Variants in BDH1 observed in about 807,000 individuals in gnomAD.
BDH1 encodes the protein D-beta-hydroxybutyrate dehydrogenase, mitochondrial.
In BDH1, 30 loss-of-function variants were observed where a neutral mutation model predicts 33.1. The ratio of observed to expected loss-of-function variants is 0.91; its 90% CI spans 0.68 to 1.23. The LOEUF (loss-of-function observed/expected upper bound fraction) is 1.23, where lower values mean the gene tolerates loss of function less well. Ranked by LOEUF, BDH1 falls within the 50% of genes most tolerant of loss-of-function variation. The pLI, the probability that BDH1 is intolerant of heterozygous loss-of-function variation, is 0.00. For synonymous variants in BDH1, 190 were observed against 183.6 expected (o/e 1.03, Z -0.28); for missense variants, 443 against 464.4 (o/e 0.95, Z 0.42).
chr3:197,532,873 TA>T (rs759603206), intron 4 of BDH1, among the ~76,000 whole-genome samples: 48 of 152,210 alleles, frequency 3.2e-4, no homozygotes, highest in Non-Finnish European at 6.3e-4. Context: ...TTCCAGAGTC[TA>T]AACTCTTCTT....
Position 197,521,089 on chromosome 3 carries a change from C to T in BDH1, c.409+1551G>A, listed in dbSNP as rs1463974727. Among the ~76,000 whole-genome samples the T allele has an allele frequency of 6.6e-6, 1 of 152,194 alleles. No homozygotes were observed. Among genetic ancestry groups the T allele is most frequent in the African/African-American group, 2.4e-5 (1 of 41,454 alleles). On this transcript the variant is annotated intron_variant, in intron 6 of 7. Coordinates refer to ENST00000392379, the MANE Select transcript of BDH1 (RefSeq NM_203314.3). The surrounding 1 kb of genome is among the most constrained non-coding windows in gnomAD (Gnocchi z 4.9). ...CTCCCCGCATGGGATCTGGTCACTCCTGCCTTTTCCGCCTCCTTCCCCAGC... is the reference window on the plus strand; with the variant it reads ...CTCCCCGCATGGGATCTGGTCACTCTTGCCTTTTCCGCCTCCTTCCCCAGC...
intron 3 of BDH1, among the ~76,000 whole-genome samples, chr3:197,535,359 A>G (rs905222236): frequency 6.6e-6 from 1 of 152,202 alleles, no homozygotes; most frequent in Non-Finnish European, 1.5e-5. Flanking sequence ...CTCCTAGCCT[A>G]TGACGTGCCT....
chr3:197,566,483 G>C (rs1717436488), intron 1 of BDH1, among the ~76,000 whole-genome samples: 1 of 152,198 alleles, frequency 6.6e-6, no homozygotes, highest in Non-Finnish European at 1.5e-5. Context: ...CAAATCCATA[G>C]CTGGGCTCAG....
At chr3:197,558,703 C>T (rs987870653), upstream of BDH1, among the ~76,000 whole-genome samples, 1 of 152,236 alleles carries the variant, frequency 6.6e-6, no homozygotes, top group African/African-American at 2.4e-5. Context: ...CGCATGGGAG[C>T]TACTGACCTC....
chr3:197,571,127 C>T (rs1014728297), intron 1 of BDH1, among the ~76,000 whole-genome samples: 1 of 152,228 alleles, frequency 6.6e-6, no homozygotes. Context: ...TTCATGGAAC[C>T]TTTGGCCCCT....
chr3:197,560,653 T>C (rs1717227727), upstream of BDH1, among the ~76,000 whole-genome samples: 1 of 152,200 alleles, frequency 6.6e-6, no homozygotes, highest in African/African-American at 2.4e-5. Flanking sequence ...GAAATCAATG[T>C]TCAAGTGCTA....
intron 2 of BDH1, 59 bp from the exon 3 acceptor site, chr3:197,546,545 C>A (rs1716095322): frequency 8.6e-7 from 1 of 1,164,444 alleles, no homozygotes; most frequent in East Asian, 2.4e-5. Context: ...TAATCAGGAG[C>A]AGTCATGTTC....
At position 197,514,220 on chromosome 3, in the gene BDH1, T is replaced by TGGGGCAGGTTCA; in HGVS notation, c.562+32_562+43dup. 6.3e-7 allele frequency: 1 copy of TGGGGCAGGTTCA among 1,580,838 alleles called. No homozygotes were observed. Among genetic ancestry groups the TGGGGCAGGTTCA allele is most frequent in the Non-Finnish European group, 8.6e-7 (1 of 1,160,352 alleles). ...TCCATTCTGAGCAAAGATGAACACGTGGGGCAGGTTCAGGGGCAGGAGGGA... is the reference window on the plus strand; with the variant it reads ...TCCATTCTGAGCAAAGATGAACACGTGGGGCAGGTTCAGGGGCAGGTTCAGGGGCAGGAGGGA... On this transcript the variant is annotated intron_variant, in intron 7 of 7. Coordinates refer to ENST00000392379, the MANE Select transcript of BDH1 (RefSeq NM_203314.3). This position sits in a 1 kb window ranked among gnomAD's most constrained non-coding sequence, Gnocchi z 4.2.
chr3:197,514,590 C>T lies in BDH1; in HGVS notation c.410-174G>A, dbSNP rs145093918. 1.4e-4 allele frequency among the ~76,000 whole-genome samples: 21 copies of T among 152,258 alleles called. No homozygotes were observed. The East Asian group carries it at 4.1e-3, about 29-fold the overall frequency. ...CAGGAACGACAGGAGGTAAAGAGGC[C>T]TAAAGTGCTGACTGCAGCCCTCCCT... On this transcript the variant is annotated intron_variant, in intron 6 of 7. Coordinates refer to ENST00000392379, the MANE Select transcript of BDH1 (RefSeq NM_203314.3). The surrounding 1 kb of genome is among the most constrained non-coding windows in gnomAD (Gnocchi z 4.2).
intron 5 of BDH1, among the ~76,000 whole-genome samples, chr3:197,524,799 C>T (rs1328609741): frequency 1.3e-5 from 2 of 152,042 alleles, no homozygotes; most frequent in South Asian, 2.1e-4. Context: ...GAGACAATCC[C>T]GGCATTGGAC....
intron 1 of BDH1, among the ~76,000 whole-genome samples, chr3:197,571,229 G>A (rs911233952): frequency 4.6e-5 from 7 of 152,114 alleles, no homozygotes; most frequent in Admixed American, 3.3e-4. Flanking sequence ...CTTGCTTTTT[G>A]TTTTTTAGGC....
intron 3 of BDH1, 89 bp downstream of exon 3, chr3:197,546,272 C>T: frequency 3.9e-6 from 5 of 1,280,364 alleles, no homozygotes; most frequent in Non-Finnish European, 5.6e-6. Flanking sequence ...AGAATCAGGC[C>T]TCATCACCGC....
Position 197,514,829 on chromosome 3 carries a change from C to T in BDH1, c.410-413G>A, listed in dbSNP as rs1712515940. ...ATCTCTGCCCTTGAGCTTTTGCTCA[C>T]GTCTTCTCTTCTCTTGCCAGAAGCC... On this transcript the variant is annotated intron_variant, in intron 6 of 7. Coordinates refer to ENST00000392379, the MANE Select transcript of BDH1 (RefSeq NM_203314.3). This position sits in a 1 kb window ranked among gnomAD's most constrained non-coding sequence, Gnocchi z 4.2. Among the ~76,000 whole-genome samples the T allele has an allele frequency of 6.6e-6, 1 of 152,332 alleles. No individual in the cohort carries two copies. The highest frequency in any genetic ancestry group is 2.4e-5 in the African/African-American group (1 of 41,584).
chr3:197,564,098 T>TAAA (rs71164298), intron 1 of BDH1, among the ~76,000 whole-genome samples: 141 of 109,024 alleles, frequency 1.3e-3, no homozygotes, highest in Middle Eastern at 4.9e-3. Context: ...AGACTTCATC[T>TAAA]AAAAAAAAAA....
Position 197,526,150 on chromosome 3 carries a change from G to A in BDH1, c.268-3369C>T, listed in dbSNP as rs921025922. The stretch of plus-strand genomic sequence containing the variant: ...AGTGGACAGAGAGCCTCTTTGTTTT[G>A]GCATGAAGAGTCCTGTTCAGTCTCT... On this transcript the variant is annotated intron_variant, in intron 5 of 7. Transcript: ENST00000392379. This position sits in a 1 kb window ranked among gnomAD's most constrained non-coding sequence, Gnocchi z 4.7. Among the ~76,000 whole-genome samples the A allele has an allele frequency of 2.0e-5, 3 of 152,108 alleles. No individual in the cohort carries two copies. The highest frequency in any genetic ancestry group is 4.4e-5 in the Non-Finnish European group (3 of 68,020).
rs1157825749 is a variant in BDH1 at position 197,510,270 on chromosome 3, C to T, written c.*1625G>A. The T allele has an allele frequency of 3.9e-5, 6 of 152,368 alleles. No individual in the cohort carries two copies. The highest frequency in any genetic ancestry group is 7.3e-5 in the Non-Finnish European group (5 of 68,132). 9.4% of individuals were successfully genotyped at this position (152,368 alleles called of 1,614,324 possible). On this transcript the variant is annotated 3_prime_UTR_variant, in exon 8 of 8. Coordinates refer to ENST00000392379, the MANE Select transcript of BDH1 (RefSeq NM_203314.3). ...GAAACCTCAGGCTCGGGCGGCAGCGCGGGAGTCTGGGGCGCTGGAGGCCGG... is the reference window on the plus strand; with the variant it reads ...GAAACCTCAGGCTCGGGCGGCAGCGTGGGAGTCTGGGGCGCTGGAGGCCGG...
In BDH1 at chr3:197,525,999, A is replaced by C. The variant is rs566225635; in HGVS notation, c.268-3218T>G. 3.7e-3 allele frequency among the ~76,000 whole-genome samples: 562 copies of C among 152,326 alleles called. No individual in the cohort carries two copies. Among genetic ancestry groups the C allele is most frequent in the African/African-American group, 0.011 (475 of 41,572 alleles). On this transcript the variant is annotated intron_variant, in intron 5 of 7. Transcript: ENST00000392379. This position sits in a 1 kb window ranked among gnomAD's most constrained non-coding sequence, Gnocchi z 4.9. Reference sequence around the variant, plus strand: ...AGTTCCGCTGTGTTGGTGCGTGTGCAACTGGCTTATTGATAAACCCACTTC... The same window carrying C: ...AGTTCCGCTGTGTTGGTGCGTGTGCCACTGGCTTATTGATAAACCCACTTC...
Position 197,522,828 on chromosome 3 carries a change from G to C in BDH1, c.268-47C>G. On this transcript the variant is annotated intron_variant, in intron 5 of 7. Transcript: ENST00000392379. This position sits in a 1 kb window ranked among gnomAD's most constrained non-coding sequence, Gnocchi z 4.8. ...CTTCTACCTCCTTCCTTCCCACCCT[G>C]AGGCAGACCCTGAGGACTCCTGTCA... is the stretch of plus-strand genomic sequence containing the variant. 1 of 1,601,280 alleles carries C rather than the reference G, an allele frequency of 6.2e-7. No individual in the cohort carries two copies. Among genetic ancestry groups the C allele is most frequent in the Non-Finnish European group, 8.5e-7 (1 of 1,171,904 alleles).
In BDH1 at chr3:197,520,461, C is replaced by T. The variant is rs1055694938; in HGVS notation, c.409+2179G>A. 6.6e-6 allele frequency among the ~76,000 whole-genome samples: 1 copy of T among 152,098 alleles called. No individual in the cohort carries two copies. Among genetic ancestry groups the T allele is most frequent in the Non-Finnish European group, 1.5e-5 (1 of 68,018 alleles). On this transcript the variant is annotated intron_variant, in intron 6 of 7. Transcript: ENST00000392379. This position sits in a 1 kb window ranked among gnomAD's most constrained non-coding sequence, Gnocchi z 6.0. ...GTGAGTGCCTCCCCTCTGTGTGGGC[C>T]GGGGCCCACCCTGCCTTGTAGGTTA... is the stretch of plus-strand genomic sequence containing the variant.
Sources: allele counts gnomAD v4.1 joint callset (sites outside exome capture counted in the v4.1 genomes callset), GRCh38; gene constraint gnomAD v4.1.1; non-coding constraint Gnocchi (gnomAD v3.1); transcripts MANE v1.5; gene names NCBI Gene and HGNC (gene_info 2026-07-23, HGNC 2026-07-21).